USP34: variants seen among roughly 807,000 people sequenced by gnomAD.
The protein encoded by USP34 is ubiquitin specific peptidase 34, also known as ubiquitin carboxyl-terminal hydrolase 34.
In USP34, 70 loss-of-function variants were observed where a neutral mutation model predicts 460.3. The ratio of observed to expected loss-of-function variants is 0.15; its 90% CI spans 0.13 to 0.19. The LOEUF (loss-of-function observed/expected upper bound fraction) is 0.19, where lower values mean the gene tolerates loss of function less well. USP34 is among the 10% of genes least tolerant of loss of function. The pLI, the probability that USP34 is intolerant of heterozygous loss-of-function variation, is 1.00. For synonymous variants in USP34, 1,647 were observed against 1,405.3 expected, an observed-to-expected ratio of 1.17 and a Z score of -3.85; for missense variants, 3,985 against 4,236.2, an observed-to-expected ratio of 0.94 and a Z score of 1.65.
chr2:61,297,566 T>G (rs536268188), intron 29 of USP34, among the ~76,000 whole-genome samples: 4 of 152,076 alleles, frequency 2.6e-5, no homozygotes, highest in African/African-American at 9.7e-5. Flanking sequence ...GTAAAAAGAG[T>G]AAAAACTAAA....
chr2:61,222,255 T>A (rs1687608518), intron 65 of USP34, among the ~76,000 whole-genome samples: 1 of 152,210 alleles, frequency 6.6e-6, no homozygotes, highest in Non-Finnish European at 1.5e-5. Flanking sequence ...AAAAATACTT[T>A]TATATAACAC....
chr2:61,350,487 T>G (rs1269283379), intron 11 of USP34, 81 bp downstream of exon 11: 1 of 1,558,262 alleles, frequency 6.4e-7, no homozygotes, highest in East Asian at 2.3e-5. Flanking sequence ...GACAATAAAA[T>G]GAAAGTTAAA....
intron 48 of USP34, 50 bp downstream of exon 48, chr2:61,256,334 C>G: frequency 6.7e-7 from 1 of 1,496,366 alleles, no homozygotes; most frequent in Non-Finnish European, 9.2e-7. Context: ...CTTAGTTTGT[C>G]TTTCACTTCT....
intron 8 of USP34, among the ~76,000 whole-genome samples, chr2:61,375,629 A>C (rs913043678): frequency 2.6e-5 from 4 of 151,736 alleles, no homozygotes; most frequent in African/African-American, 7.3e-5. Context: ...ATTAGCCGGA[A>C]GTGGTGGCGG....
intron 16 of USP34, among the ~76,000 whole-genome samples, chr2:61,340,582 C>G (rs1347824390): frequency 6.6e-6 from 1 of 152,166 alleles, no homozygotes; most frequent in African/African-American, 2.4e-5. Context: ...TACTGTCACT[C>G]TTAATTTCAC....
At chr2:61,291,491 G>C (rs975982833) in intron 33 of USP34, among the ~76,000 whole-genome samples, 2 of 152,154 alleles carry the variant, frequency 1.3e-5, no homozygotes, top group African/African-American at 2.4e-5. Flanking sequence ...AACTGGAAAC[G>C]ATGCAGATGT....
At chr2:61,218,295 T>A (rs1221742985) in intron 67 of USP34, among the ~76,000 whole-genome samples, 5 of 118,710 alleles carry the variant, frequency 4.2e-5, no homozygotes, top group South Asian at 5.6e-4. Flanking sequence ...CCTATTATGG[T>A]GGGGTTAACT....
intron 59 of USP34, 57 bp from the exon 60 acceptor site, chr2:61,229,052 A>C: frequency 7.5e-7 from 1 of 1,330,868 alleles, no homozygotes; most frequent in Non-Finnish European, 9.9e-7. Context: ...ATACTGTTCG[A>C]GAGAAAAAGT....
chr2:61,297,326 A>C (rs1690059166), intron 29 of USP34, among the ~76,000 whole-genome samples: 1 of 152,246 alleles, frequency 6.6e-6, no homozygotes, highest in African/African-American at 2.4e-5. Flanking sequence ...TCCATTTAGG[A>C]AAAGAGCCTG....
At chr2:61,347,625 C>T (rs939859173) in intron 15 of USP34, among the ~76,000 whole-genome samples, 11 of 152,172 alleles carry the variant, frequency 7.2e-5, no homozygotes, top group East Asian at 1.9e-4. Context: ...CCACCTGCCT[C>T]GGCCTCCCAA....
intron 2 of USP34, chr2:61,416,881 C>A (rs1694212677): frequency 3.7e-6 from 3 of 802,372 alleles, no homozygotes; most frequent in Admixed American, 4.1e-5. Flanking sequence ...CAGTGGAAGC[C>A]CTCATGAGTG....
At chr2:61,220,541 C>A in intron 66 of USP34, 84 bp from the exon 67 acceptor site, 1 of 1,263,004 alleles carries the variant, frequency 7.9e-7, no homozygotes. Flanking sequence ...TGCTATTAGA[C>A]ACAAAGCTAA....
intron 29 of USP34, among the ~76,000 whole-genome samples, chr2:61,298,884 T>C (rs1310819076): frequency 6.6e-6 from 1 of 151,964 alleles, no homozygotes; most frequent in Non-Finnish European, 1.5e-5. Flanking sequence ...TCCTCAAACA[T>C]GGCATTTGCT....
intron 7 of USP34, among the ~76,000 whole-genome samples, chr2:61,379,450 G>A (rs1196478320): frequency 1.3e-5 from 2 of 152,150 alleles, no homozygotes; most frequent in Non-Finnish European, 2.9e-5. Flanking sequence ...AACCCAGGAG[G>A]TGGAGGTTGC....
chr2:61,209,670 G>C (rs1028249332), intron 69 of USP34, among the ~76,000 whole-genome samples: 4 of 152,142 alleles, frequency 2.6e-5, no homozygotes, highest in Non-Finnish European at 5.9e-5. Context: ...CTATGTTACT[G>C]GTTTATGTAT....
chr2:61,331,191 G>T, intron 20 of USP34, 85 bp downstream of exon 20: 2 of 1,169,280 alleles, frequency 1.7e-6, no homozygotes, highest in South Asian at 1.6e-5. Context: ...CTTATTATAT[G>T]AAAAAAAGTT....
rs906747223 is a variant in USP34, at chr2:61,278,246, ATCT to A, written c.5349_5351del (p.Glu1783del). On this transcript the variant is annotated inframe_deletion, in exon 41 of 80. Transcript: ENST00000398571. ...GCCTTAGGAGTCCTGTAAGCCCATCATCTTCTACATTACCATCCTGATGATCAA... is the reference window on the plus strand; with the variant it reads ...GCCTTAGGAGTCCTGTAAGCCCATCATCTACATTACCATCCTGATGATCAA... The A allele has an allele frequency of 1.9e-5, 30 of 1,613,678 alleles. No individual in the cohort carries two copies. Among genetic ancestry groups the A allele is most frequent in the Non-Finnish European group, 2.4e-5 (28 of 1,179,858 alleles).
In USP34 at chr2:61,294,217, G is replaced by T. The variant is rs143074528; in HGVS notation, c.4462-667C>A. On this transcript the variant is annotated intron_variant, in intron 32 of 79. Coordinates refer to ENST00000398571, the MANE Select transcript of USP34 (RefSeq NM_014709.4). Reference sequence around the variant, plus strand: ...AAAAATTAGCCGGGTGTGGTGGCGGGCGCCTGTAGTACCAGCTACTCCAGA... The same window carrying T: ...AAAAATTAGCCGGGTGTGGTGGCGGTCGCCTGTAGTACCAGCTACTCCAGA... Among the ~76,000 whole-genome samples the T allele has an allele frequency of 5.7e-3, 863 of 151,850 alleles. 8 individuals carry two copies. Among genetic ancestry groups the T allele is most frequent in the African/African-American group, 0.019 (806 of 41,412 alleles).
intron 10 of USP34, among the ~76,000 whole-genome samples, chr2:61,355,136 T>C (rs531081721): frequency 6.6e-6 from 1 of 152,328 alleles, no homozygotes; most frequent in South Asian, 2.1e-4. Flanking sequence ...AATGAACCCT[T>C]TTCATGTCTT....
Sources: allele counts gnomAD v4.1 joint callset (sites outside exome capture counted in the v4.1 genomes callset), GRCh38; gene constraint gnomAD v4.1.1; transcripts MANE v1.5; gene names NCBI Gene and HGNC (gene_info 2026-07-23, HGNC 2026-07-21).